COL19A1: variants seen among roughly 807,000 people sequenced by gnomAD.
COL19A1 encodes the protein collagen type XIX alpha 1 chain.
In COL19A1, 159 loss-of-function variants were observed where a neutral mutation model predicts 190.2. The ratio of observed to expected loss-of-function variants is 0.84; its 90% CI spans 0.73 to 0.95. The LOEUF is 0.95. Ranked by LOEUF, COL19A1 falls within the 40% of genes least tolerant of loss-of-function variation. The probability of loss-of-function intolerance (pLI) is 0.00; values close to 1 mark genes in which losing one functional copy is unlikely to be tolerated. For missense variants in COL19A1, 1,418 were observed against 1,431.9 expected, an observed-to-expected ratio of 0.99 and a Z score of 0.16; for synonymous variants, 509 against 458.9, an observed-to-expected ratio of 1.11 and a Z score of -1.39.
At position 70,188,068 on chromosome 6, in the gene COL19A1, T is replaced by C. The variant is rs771099219; in HGVS notation, c.2857-7T>C. The stretch of plus-strand genomic sequence containing the variant: ...ATTATTCTTTGTTATTATTTTTTCC[T>C]TAACAGGGTGATCAGGGGATTCCAG... On this transcript the variant is annotated splice_region_variant and splice_polypyrimidine_tract_variant and intron_variant, in intron 46 of 50. Coordinates refer to ENST00000620364, the MANE Select transcript of COL19A1 (RefSeq NM_001858.6). 1.2e-6 allele frequency: 2 copies of C among 1,612,888 alleles called. No individual in the cohort carries two copies. Among genetic ancestry groups the C allele is most frequent in the South Asian group, 2.2e-5 (2 of 90,652 alleles).
At chr6:69,890,941 T>A (rs1233963344) in intron 2 of COL19A1, 1 of 200,906 alleles carries the variant, frequency 5.0e-6, no homozygotes, top group Non-Finnish European at 1.1e-5. Context: ...TTCTTCCTGC[T>A]GACAGGGGTT....
Position 69,876,112 on chromosome 6 carries a change from C to T in COL19A1, c.-32-3424C>T, listed in dbSNP as rs367897764. On this transcript the variant is annotated intron_variant, in intron 1 of 50. Coordinates refer to ENST00000620364, the MANE Select transcript of COL19A1 (RefSeq NM_001858.6). ...CAAGAATTGAAGAAGGGAAGAGAAA[C>T]GGATTCTTCTTTCAAGTTCCTGCTG... Among the ~76,000 whole-genome samples, 23 of 152,110 alleles carry T rather than the reference C, an allele frequency of 1.5e-4. No homozygotes were observed. In the South Asian group the frequency reaches 3.7e-3, roughly 25 times the overall value.
At chr6:70,069,514 AT>A (rs1781430005) in intron 15 of COL19A1, among the ~76,000 whole-genome samples, 1 of 152,130 alleles carries the variant, frequency 6.6e-6, no homozygotes, top group Admixed American at 6.6e-5. Flanking sequence ...GAAAACACTC[AT>A]TGGCTTTCCA....
chr6:69,884,256 A>C (rs569610657), intron 2 of COL19A1, among the ~76,000 whole-genome samples: 1 of 151,790 alleles, frequency 6.6e-6, no homozygotes, highest in African/African-American at 2.4e-5. Flanking sequence ...AATCACTTGA[A>C]CCCAGGAGGC....
chr6:70,051,102 A>C lies in COL19A1; in HGVS notation c.1170+15163A>C, dbSNP rs1157972961. Among the ~76,000 whole-genome samples, 4 of 152,266 alleles carry C rather than the reference A, an allele frequency of 2.6e-5. No homozygotes were observed. In the East Asian group the frequency reaches 7.7e-4, roughly 29 times the overall value. On this transcript the variant is annotated intron_variant, in intron 14 of 50. Transcript: ENST00000620364. ...GTTATTTTCTCTTTTACCTTTCCTA[A>C]GGAATTCAATTTCCTTTAGCTGTAT...
At chr6:69,913,822 T>C (rs1771117421) in intron 4 of COL19A1, among the ~76,000 whole-genome samples, 1 of 152,080 alleles carries the variant, frequency 6.6e-6, no homozygotes, top group African/African-American at 2.4e-5. Flanking sequence ...GCATATGCCA[T>C]TGGGAAAATC....
chr6:70,074,032 G>A (rs553872654), intron 15 of COL19A1, among the ~76,000 whole-genome samples: 66 of 152,240 alleles, frequency 4.3e-4, no homozygotes, highest in Admixed American at 3.7e-3. Context: ...ACATACAACA[G>A]GACTCACTTA....
intron 9 of COL19A1, among the ~76,000 whole-genome samples, chr6:69,948,800 A>G (rs1179589890): frequency 6.6e-6 from 1 of 151,802 alleles, no homozygotes; most frequent in Non-Finnish European, 1.5e-5. Context: ...GATTCATCCT[A>G]TATTTCACTT....
chr6:70,064,201 A>G (rs565779666), intron 14 of COL19A1, among the ~76,000 whole-genome samples: 1 of 152,284 alleles, frequency 6.6e-6, no homozygotes, highest in South Asian at 2.1e-4. Flanking sequence ...CCAATATCCC[A>G]GATGAACATC....
At chr6:70,104,788 AGGC>A (rs1383236776) in intron 16 of COL19A1, among the ~76,000 whole-genome samples, 1 of 152,210 alleles carries the variant, frequency 6.6e-6, no homozygotes, top group African/African-American at 2.4e-5. Flanking sequence ...CTTTTAAGAC[AGGC>A]TAATTGTTGT....
intron 9 of COL19A1, among the ~76,000 whole-genome samples, chr6:69,956,372 T>C (rs1039104593): frequency 6.6e-6 from 1 of 152,060 alleles, no homozygotes; most frequent in African/African-American, 2.4e-5. Context: ...TTTGAGATTT[T>C]AAATTCTTTG....
intron 16 of COL19A1, among the ~76,000 whole-genome samples, chr6:70,104,508 C>T (rs1234435120): frequency 6.6e-6 from 1 of 152,156 alleles, no homozygotes; most frequent in Non-Finnish European, 1.5e-5. Flanking sequence ...TTGACCCAAT[C>T]ACCTCCCACC....
chr6:70,193,094 A>G (rs1381157435), intron 48 of COL19A1, among the ~76,000 whole-genome samples: 2 of 140,540 alleles, frequency 1.4e-5, no homozygotes, highest in South Asian at 2.3e-4. Flanking sequence ...ATAACCAAGC[A>G]TTTTCAGAAA....
intron 15 of COL19A1, among the ~76,000 whole-genome samples, chr6:70,095,791 G>C (rs187430074): frequency 1.1e-4 from 17 of 152,136 alleles, no homozygotes; most frequent in Admixed American, 8.5e-4. Context: ...TAGAGTATTT[G>C]GTTTTCTGTG....
intron 5 of COL19A1, among the ~76,000 whole-genome samples, chr6:69,928,469 A>T (rs1772537157): frequency 6.6e-6 from 1 of 152,290 alleles, no homozygotes; most frequent in South Asian, 2.1e-4. Flanking sequence ...CCATCAATAA[A>T]AATTTATGGA....
chr6:70,061,198 TTGATCTGTGTTTTACTAA>T, intron 14 of COL19A1, among the ~76,000 whole-genome samples: 1 of 152,170 alleles, frequency 6.6e-6, no homozygotes, highest in East Asian at 1.9e-4. Flanking sequence ...CTACAGTTGA[TTGATCTGTGTTTTACTAA>T]TGATAATATT....
intron 16 of COL19A1, among the ~76,000 whole-genome samples, chr6:70,107,967 T>A (rs1410364334): frequency 6.6e-6 from 1 of 152,184 alleles, no homozygotes; most frequent in Non-Finnish European, 1.5e-5. Context: ...CTGAGTAGCA[T>A]AAGCAGTGGA....
intron 27 of COL19A1, among the ~76,000 whole-genome samples, chr6:70,148,963 A>G (rs1786856791): frequency 6.6e-6 from 1 of 151,868 alleles, no homozygotes; most frequent in Non-Finnish European, 1.5e-5. Context: ...TAGGGAAGTG[A>G]TGGTGGTTGA....
intron 14 of COL19A1, among the ~76,000 whole-genome samples, chr6:70,046,394 A>G (rs1233722943): frequency 3.3e-5 from 5 of 152,180 alleles, no homozygotes; most frequent in Non-Finnish European, 7.4e-5. Flanking sequence ...CAAATTCCAT[A>G]CAATGGCCTA....
Sources: gnomAD v4.1 joint callset for allele counts (sites outside exome capture counted in the v4.1 genomes callset) on GRCh38, gnomAD v4.1.1 for gene constraint, MANE v1.5 for transcripts, NCBI Gene and HGNC (gene_info 2026-07-23, HGNC 2026-07-21) for gene names.